Variants in NF1 observed in about 807,000 individuals in gnomAD.
NF1 encodes the protein neurofibromin.
A neutral mutation model predicts 325.7 loss-of-function variants in NF1; 122 were observed. The ratio of observed to expected loss-of-function variants is 0.37; its 90% CI spans 0.32 to 0.44. The LOEUF (loss-of-function observed/expected upper bound fraction) is 0.44, where lower values mean the gene tolerates loss of function less well. Among genes scored for constraint, NF1 ranks in the 20% least tolerant of loss-of-function variants. The probability of loss-of-function intolerance (pLI) is 1.00; values close to 1 mark genes in which losing one functional copy is unlikely to be tolerated. For missense variants in NF1, 2,140 were observed against 3,415.4 expected (o/e 0.63, Z 9.31); for synonymous variants, 1,091 against 1,186.0 (o/e 0.92, Z 1.65).
chr17:31,330,738 C>T (rs2069460791), intron 39 of NF1: 3 of 534,068 alleles, frequency 5.6e-6, no homozygotes, highest in Non-Finnish European at 6.6e-6. Flanking sequence ...GAGTTTGGTA[C>T]TTTACACACC....
chr17:31,145,339 T>C (rs941088284), intron 1 of NF1, among the ~76,000 whole-genome samples: 2 of 152,118 alleles, frequency 1.3e-5, no homozygotes, highest in Non-Finnish European at 2.9e-5. Context: ...ACTGCACGCA[T>C]GTACCACCAT....
chr17:31,214,010 C>A lies in NF1; in HGVS notation c.1393-441C>A, dbSNP rs17883479. 3.7e-3 allele frequency among the ~76,000 whole-genome samples: 564 copies of A among 152,154 alleles called. 6 individuals are homozygous for A. Among genetic ancestry groups the A allele is most frequent in the African/African-American group, 0.013 (536 of 41,510 alleles). On this transcript the variant is annotated intron_variant, in intron 12 of 57. Coordinates refer to ENST00000358273, the MANE Select transcript of NF1 (RefSeq NM_001042492.3). ...GGACATCAAATAATGATGCATCTTA[C>A]AATTGATAATGTTGTAGAGTCTATG...
At chr17:31,345,465 TCCGGGGCCGCGGTCGGGGCTGCGC>T in intron 48 of NF1, 1 of 1,433,562 alleles carries the variant, frequency 7.0e-7, no homozygotes, top group South Asian at 1.5e-5. Flanking sequence ...CGGGGCTCCC[TCCGGGGCCGCGGTCGGGGCTGCGC>T]GTTTGACCGC....
intron 36 of NF1, among the ~76,000 whole-genome samples, chr17:31,317,368 AACAC>A (rs3138611): frequency 0.017 from 2,435 of 144,604 alleles, 73 homozygotes; most frequent in African/African-American, 0.057. Flanking sequence ...TCCAGATTTG[AACAC>A]ACACACACAC....
intron 39 of NF1, chr17:31,331,455 G>C (rs995989580): frequency 6.6e-6 from 1 of 152,094 alleles, no homozygotes; most frequent in Non-Finnish European, 1.5e-5. Flanking sequence ...CTACATAAAA[G>C]TGCAATAATA....
intron 9 of NF1, 88 bp from the exon 10 acceptor site, chr17:31,200,949 T>C: frequency 6.4e-7 from 1 of 1,569,072 alleles, no homozygotes; most frequent in South Asian, 1.1e-5. Context: ...GCCATTTGTG[T>C]GGGTAATGTG....
chr17:31,111,077 C>T (rs1471670428), intron 1 of NF1, among the ~76,000 whole-genome samples: 1 of 151,686 alleles, frequency 6.6e-6, no homozygotes, highest in African/African-American at 2.4e-5. Flanking sequence ...CATCACAAAC[C>T]CCCCCATTAA....
intron 36 of NF1, among the ~76,000 whole-genome samples, chr17:31,308,876 A>T (rs1293823415): frequency 6.6e-6 from 1 of 152,180 alleles, no homozygotes; most frequent in Non-Finnish European, 1.5e-5. Flanking sequence ...CTCTTAAGTA[A>T]TTGTGTTTAC....
At chr17:31,146,932 C>T (rs1916626737) in intron 1 of NF1, among the ~76,000 whole-genome samples, 1 of 152,220 alleles carries the variant, frequency 6.6e-6, no homozygotes, top group Non-Finnish European at 1.5e-5. Context: ...GACAGCACTC[C>T]CAGCATTTAA....
chr17:31,186,368 A>G (rs767915023), intron 8 of NF1, among the ~76,000 whole-genome samples: 6 of 152,224 alleles, frequency 3.9e-5, no homozygotes, highest in Non-Finnish European at 8.8e-5. Context: ...GCAGCACTAC[A>G]GCCCCTTTCT....
intron 36 of NF1, among the ~76,000 whole-genome samples, chr17:31,277,752 TG>T (rs1388128882): frequency 6.6e-6 from 1 of 152,214 alleles, no homozygotes; most frequent in Non-Finnish European, 1.5e-5. Context: ...GTATGGTTTT[TG>T]TTGGGTGACC....
At chr17:31,305,374 C>T in intron 36 of NF1, 1 of 1,614,084 alleles carries the variant, frequency 6.2e-7, no homozygotes. Flanking sequence ...TGTTGGTTGT[C>T]CAGCAGTGAC....
intron 8 of NF1, among the ~76,000 whole-genome samples, chr17:31,191,920 G>A (rs1181414130): frequency 2.0e-5 from 3 of 152,124 alleles, no homozygotes; most frequent in African/African-American, 7.2e-5. Flanking sequence ...TTTTGCAGGT[G>A]CCTGTTGACT....
chr17:31,278,299 A>G (rs2068045526), intron 36 of NF1: 1 of 151,930 alleles, frequency 6.6e-6, no homozygotes, highest in Non-Finnish European at 1.5e-5. Flanking sequence ...TAAATTTCAT[A>G]TAGCACTTTC....
At chr17:31,237,782 G>T (rs1217796462) in intron 29 of NF1, among the ~76,000 whole-genome samples, 1 of 150,534 alleles carries the variant, frequency 6.6e-6, no homozygotes, top group African/African-American at 2.4e-5. Context: ...AAAGGTTAAA[G>T]AATTACTTAG....
At chr17:31,131,452 T>G (rs893873546) in intron 1 of NF1, among the ~76,000 whole-genome samples, 2 of 152,200 alleles carry the variant, frequency 1.3e-5, no homozygotes, top group Non-Finnish European at 2.9e-5. Context: ...GGTTCCTTAC[T>G]TCTTCCCTCG....
intron 36 of NF1, among the ~76,000 whole-genome samples, chr17:31,288,957 T>C (rs749332648): frequency 6.6e-5 from 10 of 152,208 alleles, no homozygotes; most frequent in Non-Finnish European, 1.2e-4. Flanking sequence ...AAACTTAGAC[T>C]CTAGAATAAG....
rs2067469105 is a variant in NF1, at chr17:31,250,074, C to G, written c.4110+955C>G. 4 of 484,184 alleles carry G rather than the reference C, an allele frequency of 8.3e-6. No individual in the cohort carries two copies. Among genetic ancestry groups the G allele is most frequent in the Admixed American group, 7.3e-5 (3 of 40,828 alleles). The allele number at this position is 484,184 out of a possible 1,614,324, so 30.0% of individuals were successfully genotyped here. On this transcript the variant is annotated intron_variant, in intron 30 of 57. Coordinates refer to ENST00000358273, the MANE Select transcript of NF1 (RefSeq NM_001042492.3). Reference sequence around the variant, plus strand: ...GGCTGCTCTATGTGAATTTTTTCACCATTGCTATTTTTAAAGATGTATCTG... The same window carrying G: ...GGCTGCTCTATGTGAATTTTTTCACGATTGCTATTTTTAAAGATGTATCTG...
At chr17:31,140,629 C>G (rs1212204794) in intron 1 of NF1, among the ~76,000 whole-genome samples, 1 of 152,174 alleles carries the variant, frequency 6.6e-6, no homozygotes, top group Non-Finnish European at 1.5e-5. Context: ...GAAATCACTT[C>G]ATAAAGGTGT....
Sources: gnomAD v4.1 joint callset for allele counts (sites outside exome capture counted in the v4.1 genomes callset) on GRCh38, gnomAD v4.1.1 for gene constraint, MANE v1.5 for transcripts, NCBI Gene and HGNC (gene_info 2026-07-23, HGNC 2026-07-21) for gene names.